The following KDM4C variants were observed in gnomAD, a reference collection of about 807,000 sequenced individuals.
The protein encoded by KDM4C is lysine-specific demethylase 4C.
Under a neutral mutation model 129.3 loss-of-function variants are expected in KDM4C, and 81 were observed. The observed-to-expected ratio is 0.63, with a 90% CI of 0.52 to 0.75. The LOEUF (loss-of-function observed/expected upper bound fraction) is 0.75, where lower values mean the gene tolerates loss of function less well. Ranked by LOEUF, KDM4C falls within the 30% of genes least tolerant of loss-of-function variation. KDM4C has a pLI of 0.00. For missense variants in KDM4C, 1,457 were observed against 1,304.0 expected (o/e 1.12, Z -1.81); for synonymous variants, 573 against 456.1 (o/e 1.26, Z -3.26).
intron 19 of KDM4C, among the ~76,000 whole-genome samples, chr9:7,135,124 T>C (rs1028109007): frequency 6.6e-6 from 1 of 152,202 alleles, no homozygotes; most frequent in Non-Finnish European, 1.5e-5. Context: ...TGACCCCAAT[T>C]CTGTAGGCAT....
At position 6,868,216 on chromosome 9, in the gene KDM4C, C is replaced by T. The variant is rs188672899; in HGVS notation, c.630-11796C>T. Among the ~76,000 whole-genome samples, 171 of 151,826 alleles carry T rather than the reference C, an allele frequency of 1.1e-3. 1 individual carries two copies. The highest frequency in any genetic ancestry group is 2.6e-3 in the Admixed American group (39 of 15,234). On this transcript the variant is annotated intron_variant, in intron 5 of 21. Transcript: ENST00000381309. ...CAGCTCGAGCTTTGCCTCTCCCTTA[C>T]GCCACTGGTGGCCCATTTCCTGACA...
intron 5 of KDM4C, among the ~76,000 whole-genome samples, chr9:6,874,344 C>A (rs1056435322): frequency 2.6e-5 from 4 of 152,156 alleles, no homozygotes; most frequent in African/African-American, 2.4e-5. Context: ...GTTATCAGAG[C>A]AGCAGGATTT....
intron 8 of KDM4C, among the ~76,000 whole-genome samples, chr9:6,972,479 G>A (rs10815498): frequency 0.32 from 48,516 of 151,882 alleles, 8,731 homozygotes; most frequent in East Asian, 0.72. Flanking sequence ...TGAGCTGTGC[G>A]TTGTTAAAAT....
At chr9:7,144,345 C>T (rs113164121) in intron 19 of KDM4C, among the ~76,000 whole-genome samples, 1,561 of 152,268 alleles carry the variant, frequency 0.01, 12 homozygotes, top group Non-Finnish European at 0.018. Flanking sequence ...TTTGGTTGGT[C>T]GTCACCTGGC....
intron 5 of KDM4C, among the ~76,000 whole-genome samples, chr9:6,856,373 A>G (rs1258182243): frequency 6.6e-6 from 1 of 152,172 alleles, no homozygotes; most frequent in African/African-American, 2.4e-5. Flanking sequence ...TTTGTCTAGA[A>G]AAAATGCACT....
intron 1 of KDM4C, among the ~76,000 whole-genome samples, chr9:6,787,524 C>T (rs187032980): frequency 1.5e-3 from 234 of 152,356 alleles, no homozygotes; most frequent in African/African-American, 5.3e-3. Context: ...TGAGCCACCA[C>T]GCCCAGGCCC....
intron 9 of KDM4C, chr9:6,982,002 T>C (rs1456248162): frequency 3.2e-5 from 5 of 154,146 alleles, no homozygotes; most frequent in African/African-American, 1.2e-4. Flanking sequence ...TTTTATAATA[T>C]TATATATCTT....
At chr9:6,755,541 C>G (rs1319850594), upstream of KDM4C, among the ~76,000 whole-genome samples, 2 of 152,114 alleles carry the variant, frequency 1.3e-5, no homozygotes, top group Non-Finnish European at 2.9e-5. Context: ...GAGTAAGACT[C>G]TGTCTCAAAA....
chr9:6,957,642 C>A (rs999487025), intron 8 of KDM4C, among the ~76,000 whole-genome samples: 1 of 152,016 alleles, frequency 6.6e-6, no homozygotes, highest in Non-Finnish European at 1.5e-5. Context: ...CTGATATTTT[C>A]TATTGGTTGC....
intron 5 of KDM4C, among the ~76,000 whole-genome samples, chr9:6,851,429 A>G (rs892034322): frequency 6.6e-6 from 1 of 152,230 alleles, no homozygotes; most frequent in Non-Finnish European, 1.5e-5. Flanking sequence ...AATATTTTCA[A>G]CAATGGTTAG....
intron 8 of KDM4C, chr9:6,978,813 T>C (rs774845829): frequency 1.3e-5 from 2 of 152,270 alleles, no homozygotes; most frequent in African/African-American, 4.8e-5. Flanking sequence ...TTCATCTGTT[T>C]AGCAAGTTTG....
At chr9:6,954,603 G>T (rs1464105404) in intron 8 of KDM4C, among the ~76,000 whole-genome samples, 1 of 152,166 alleles carries the variant, frequency 6.6e-6, no homozygotes, top group Non-Finnish European at 1.5e-5. Flanking sequence ...TTAATAATGT[G>T]CAGGTTTCTG....
Position 6,849,624 on chromosome 9 carries a change from A to G in KDM4C, c.553A>G (p.Thr185Ala), listed in dbSNP as rs1385818863. The G allele has an allele frequency of 6.2e-7, 1 of 1,614,074 alleles. No individual in the cohort carries two copies. The highest frequency in any genetic ancestry group is 1.7e-5 in the Admixed American group (1 of 60,024). Reference protein sequence around the residue: ...TPYLYFGMWKTTFAWHTEDMD... With the variant: ...TPYLYFGMWKATFAWHTEDMD... ...ATATCTCTATTTTGGCATGTGGAAG[A>G]CCACGTTTGCATGGCACACCGAAGA... The change falls in exon 5 of 22, where the codon ACC becomes GCC. Residue 185 changes from threonine (T) to alanine (A), a missense_variant. Thr to Ala is a moderately conservative substitution (Grantham distance 58, BLOSUM62 0). Coordinates refer to ENST00000381309, the MANE Select transcript of KDM4C (RefSeq NM_015061.6).
At chr9:6,841,983 T>C (rs905038564) in intron 4 of KDM4C, among the ~76,000 whole-genome samples, 1 of 152,238 alleles carries the variant, frequency 6.6e-6, no homozygotes, top group Non-Finnish European at 1.5e-5. Context: ...ACTTTGTTTT[T>C]CTTTGGCCAT....
intron 8 of KDM4C, among the ~76,000 whole-genome samples, chr9:6,920,127 A>G (rs1417382731): frequency 6.6e-6 from 1 of 151,994 alleles, no homozygotes; most frequent in East Asian, 1.9e-4. Flanking sequence ...TAGGGTTTTT[A>G]TGGACAATTT....
intron 8 of KDM4C, among the ~76,000 whole-genome samples, chr9:6,933,059 A>G (rs1824053766): frequency 1.4e-5 from 2 of 141,070 alleles, no homozygotes; most frequent in African/African-American, 2.5e-5. Flanking sequence ...CAGTGGTGAA[A>G]TACCATCTCA....
chr9:6,937,276 T>G (rs1824984981), intron 8 of KDM4C, among the ~76,000 whole-genome samples: 1 of 152,162 alleles, frequency 6.6e-6, no homozygotes, highest in Non-Finnish European at 1.5e-5. Context: ...CATTTAAAGT[T>G]TGAAATTCTG....
intron 4 of KDM4C, among the ~76,000 whole-genome samples, chr9:6,815,684 T>C (rs1831958298): frequency 6.6e-6 from 1 of 152,178 alleles, no homozygotes; most frequent in Non-Finnish European, 1.5e-5. Context: ...CCTTTGAGCA[T>C]CGTGTTGAAA....
At chr9:7,090,980 C>T (rs1178268624) in intron 17 of KDM4C, among the ~76,000 whole-genome samples, 1 of 152,122 alleles carries the variant, frequency 6.6e-6, no homozygotes, top group Non-Finnish European at 1.5e-5. Flanking sequence ...ACTATTAATA[C>T]TAGTGGAGCA....
Sources: allele counts gnomAD v4.1 joint callset (sites outside exome capture counted in the v4.1 genomes callset), GRCh38; gene constraint gnomAD v4.1.1; transcripts MANE v1.5; gene names NCBI Gene and HGNC (gene_info 2026-07-23, HGNC 2026-07-21).